The following HNRNPM variants were observed in gnomAD, a reference collection of about 807,000 sequenced individuals.
HNRNPM encodes the protein CEA receptor.
In HNRNPM, 11 loss-of-function variants were observed where a neutral mutation model predicts 73.1. The observed-to-expected ratio is 0.15, with a 90% CI of 0.09 to 0.25. HNRNPM has a LOEUF of 0.25. Ranked by LOEUF, HNRNPM falls within the 10% of genes least tolerant of loss-of-function variation. The pLI is 1.00. For missense variants in HNRNPM, 789 were observed against 1,067.9 expected (o/e 0.74, Z 3.64); for synonymous variants, 407 against 355.2 (o/e 1.15, Z -1.64).
chr19:8,459,770 G>C (rs185350905), intron 2 of HNRNPM, among the ~76,000 whole-genome samples: 1 of 152,212 alleles, frequency 6.6e-6, no homozygotes, highest in East Asian at 1.9e-4. Flanking sequence ...GTTCTTTTTG[G>C]GTTGCTCATC....
intron 9 of HNRNPM, among the ~76,000 whole-genome samples, chr19:8,469,471 T>C (rs563006347): frequency 6.6e-5 from 10 of 152,304 alleles, no homozygotes; most frequent in African/African-American, 2.2e-4. Context: ...CCGAATACTT[T>C]GAGTTTTATG....
chr19:8,480,651 A>G (rs1283589448), intron 12 of HNRNPM, among the ~76,000 whole-genome samples: 1 of 150,988 alleles, frequency 6.6e-6, no homozygotes, highest in Non-Finnish European at 1.5e-5. Flanking sequence ...CGACAGAGTG[A>G]GACTCTGTCT....
chr19:8,487,325 T>A (rs781066436), intron 15 of HNRNPM: 1 of 471,736 alleles, frequency 2.1e-6, no homozygotes, highest in Non-Finnish European at 3.9e-6. Context: ...GGTAGTAGTG[T>A]CCCCATTTCA....
chr19:8,467,079 G>A (rs930930832), intron 7 of HNRNPM, among the ~76,000 whole-genome samples: 5 of 151,540 alleles, frequency 3.3e-5, no homozygotes, highest in Non-Finnish European at 7.4e-5. Context: ...CATTTTGGAA[G>A]AGGCCACTTC....
intron 4 of HNRNPM, 30 bp from the exon 5 acceptor site, chr19:8,463,563 C>A: frequency 3.7e-6 from 6 of 1,612,232 alleles, no homozygotes; most frequent in Non-Finnish European, 5.1e-6. Flanking sequence ...GGACTGGTTT[C>A]ACTCGACTCG....
chr19:8,467,734 A>G, intron 8 of HNRNPM, 150 bp downstream of exon 8: 2 of 686,428 alleles, frequency 2.9e-6, no homozygotes, highest in Non-Finnish European at 5.2e-6. Flanking sequence ...TGAGAGAAAT[A>G]ACATTTTGCT....
chr19:8,465,634 T>C (rs1226279101), intron 6 of HNRNPM, 119 bp downstream of exon 6: 4 of 755,434 alleles, frequency 5.3e-6, no homozygotes, highest in Non-Finnish European at 8.3e-6. Flanking sequence ...AGGGTTTTGT[T>C]CTTGATTTCT....
chr19:8,461,997 T>C (rs1285508044), intron 2 of HNRNPM: 1 of 153,318 alleles, frequency 6.5e-6, no homozygotes, highest in African/African-American at 2.4e-5. Flanking sequence ...GGCCCCTGAG[T>C]GCGGGGCTCT....
At chr19:8,485,513 C>G in intron 13 of HNRNPM, 90 bp from the exon 14 acceptor site, 5 of 1,276,622 alleles carry the variant, frequency 3.9e-6, no homozygotes, top group Admixed American at 2.0e-5. Flanking sequence ...TACCCCTGAT[C>G]CATGCCCATG....
chr19:8,458,302 G>A (rs1969162544), intron 2 of HNRNPM, among the ~76,000 whole-genome samples: 1 of 152,178 alleles, frequency 6.6e-6, no homozygotes, highest in Admixed American at 6.5e-5. Flanking sequence ...GCCTTTGAAA[G>A]TGACTTAACA....
Position 8,480,527 on chromosome 19 carries a change from C to T in HNRNPM, c.1121-2631C>T, listed in dbSNP as rs139195089. ...TACAAACACAAAAAATTTAGCCGGGCGTGGTGGTGCATGCTGTAATCCCAG... is the reference window on the plus strand; with the variant it reads ...TACAAACACAAAAAATTTAGCCGGGTGTGGTGGTGCATGCTGTAATCCCAG... On this transcript the variant is annotated intron_variant, in intron 12 of 15. Transcript: ENST00000325495. Among the ~76,000 whole-genome samples, 240 of 151,342 alleles carry T rather than the reference C, an allele frequency of 1.6e-3. 4 individuals are homozygous for T. The East Asian group carries it at 0.034, about 21-fold the overall frequency.
Position 8,466,842 on chromosome 19 carries a change from A to AAAAAG in HNRNPM, c.784+458_784+459insGAAAA, listed in dbSNP as rs1200962327. ...AGACTCAGTCTCAAAAAAAAAAAAA[A>AAAAAG]AAAAAAAAAAGGTTCTCTGGGGGTG... On this transcript the variant is annotated intron_variant, in intron 7 of 15. Coordinates refer to ENST00000325495, the MANE Select transcript of HNRNPM (RefSeq NM_005968.5). Among the ~76,000 whole-genome samples, 28 of 151,120 alleles carry AAAAAG rather than the reference A, an allele frequency of 1.9e-4. 1 individual carries two copies. The highest frequency in any genetic ancestry group is 3.7e-4 in the Non-Finnish European group (25 of 67,728).
Position 8,488,678 on chromosome 19 carries a change from C to A in HNRNPM, c.2030-13C>A. 6.2e-7 allele frequency: 1 copy of A among 1,605,050 alleles called. No homozygotes were observed. The highest frequency in any genetic ancestry group is 1.1e-5 in the South Asian group (1 of 90,566). On this transcript the variant is annotated splice_polypyrimidine_tract_variant and intron_variant, in intron 15 of 15. Coordinates refer to ENST00000325495, the MANE Select transcript of HNRNPM (RefSeq NM_005968.5). The stretch of plus-strand genomic sequence containing the variant: ...GGGACTGAGTGTCGTCTCTTCTTCC[C>A]TCCCTGTCCTAGGCCACGTGCTGTA...
intron 10 of HNRNPM, 121 bp from the exon 11 acceptor site, chr19:8,473,543 T>C (rs1970303232): frequency 1.5e-6 from 1 of 679,736 alleles, no homozygotes; most frequent in Non-Finnish European, 2.6e-6. Flanking sequence ...ATATAAAATA[T>C]ACTTGTCATC....
At chr19:8,482,558 A>T (rs1970994136) in intron 12 of HNRNPM, 1 of 152,480 alleles carries the variant, frequency 6.6e-6, no homozygotes, top group East Asian at 1.9e-4. Context: ...CAGCACACCC[A>T]GCTCATTTCA....
At chr19:8,465,056 T>A (rs1161356542) in intron 5 of HNRNPM, among the ~76,000 whole-genome samples, 1 of 152,198 alleles carries the variant, frequency 6.6e-6, no homozygotes, top group African/African-American at 2.4e-5. Flanking sequence ...CATGTTTCCC[T>A]CCCTACCCTG....
intron 2 of HNRNPM, among the ~76,000 whole-genome samples, chr19:8,460,202 C>T (rs1969304503): frequency 1.3e-5 from 2 of 152,128 alleles, no homozygotes; most frequent in Non-Finnish European, 1.5e-5. Context: ...ACATTCTTGT[C>T]GATAGTTGTA....
intron 1 of HNRNPM, among the ~76,000 whole-genome samples, chr19:8,447,260 C>CTTTTTTT (rs33978914): frequency 7.0e-6 from 1 of 142,960 alleles, no homozygotes; most frequent in Non-Finnish European, 1.5e-5. Flanking sequence ...CTGTGGAAAA[C>CTTTTTTT]TTTTTTTTTT....
In HNRNPM at chr19:8,466,200, A is replaced by C. The variant is rs368929870; in HGVS notation, c.631-35A>C. ...AAATGTTGTGTTTCTTAAGATGTTT[A>C]CATTGAGGTTTTTACCCCGTTCTCT... On this transcript the variant is annotated intron_variant, in intron 6 of 15. Transcript: ENST00000325495. 17 of 1,589,402 alleles carry C rather than the reference A, an allele frequency of 1.1e-5. No homozygotes were observed. The African/African-American group carries it at 2.2e-4, about 20-fold the overall frequency.
Sources: gnomAD v4.1 joint callset for allele counts (sites outside exome capture counted in the v4.1 genomes callset) on GRCh38, gnomAD v4.1.1 for gene constraint, MANE v1.5 for transcripts, NCBI Gene and HGNC (gene_info 2026-07-23, HGNC 2026-07-21) for gene names.